The following RBM6 variants were observed in gnomAD, a reference collection of about 807,000 sequenced individuals.
RBM6 encodes the protein RNA-binding protein 6.
RBM6 carries 23 observed loss-of-function variants against 140.4 expected under a neutral mutation model. The observed-to-expected ratio is 0.16, with a 90% CI of 0.12 to 0.23. The LOEUF (loss-of-function observed/expected upper bound fraction) is 0.23, where lower values mean the gene tolerates loss of function less well. Ranked by LOEUF, RBM6 falls within the 10% of genes least tolerant of loss-of-function variation. RBM6 has a pLI of 1.00. For missense variants in RBM6, 1,139 were observed against 1,386.7 expected (o/e 0.82, Z 2.84); for synonymous variants, 439 against 475.6 (o/e 0.92, Z 1.00).
chr3:49,947,081 CA>C (rs1186088231), intron 1 of RBM6, among the ~76,000 whole-genome samples: 4,401 of 105,984 alleles, frequency 0.042, 202 homozygotes, highest in African/African-American at 0.12. Context: ...ACTAAAAATA[CA>C]AAAAAAAAAA....
At chr3:50,015,022 C>T (rs1318715378) in intron 6 of RBM6, among the ~76,000 whole-genome samples, 2 of 135,300 alleles carry the variant, frequency 1.5e-5, no homozygotes, top group Non-Finnish European at 3.0e-5. Context: ...GTACTCCAGC[C>T]TGGCCAACAG....
chr3:49,978,413 A>G (rs140610481), intron 5 of RBM6, among the ~76,000 whole-genome samples: 1 of 152,326 alleles, frequency 6.6e-6, no homozygotes, highest in African/African-American at 2.4e-5. Context: ...TGTGGAGTAC[A>G]GTCTGTCCTG....
At chr3:50,044,549 C>T (rs2089123796) in intron 6 of RBM6, among the ~76,000 whole-genome samples, 1 of 151,188 alleles carries the variant, frequency 6.6e-6, no homozygotes, top group African/African-American at 2.4e-5. Context: ...CATCACTGCA[C>T]TCCAGCCTGG....
intron 6 of RBM6, among the ~76,000 whole-genome samples, chr3:50,018,484 A>G (rs2087289101): frequency 6.6e-6 from 1 of 151,966 alleles, no homozygotes; most frequent in Non-Finnish European, 1.5e-5. Context: ...TAAAGCTGCA[A>G]TAAATATCCA....
At chr3:50,043,519 T>C (rs2089045188) in intron 6 of RBM6, among the ~76,000 whole-genome samples, 1 of 151,260 alleles carries the variant, frequency 6.6e-6, no homozygotes, top group African/African-American at 2.4e-5. Context: ...ATCTCTCTTC[T>C]TTTTATATAC....
chr3:49,952,891 A>G (rs2083801304), intron 1 of RBM6, among the ~76,000 whole-genome samples: 1 of 152,070 alleles, frequency 6.6e-6, no homozygotes, highest in Non-Finnish European at 1.5e-5. Context: ...ATTTTCTCCC[A>G]TTCTGTGGGA....
rs2090125553 is a variant in RBM6 at position 50,066,456 on chromosome 3, A to G, written c.2897A>G (p.Asn966Ser). The G allele has an allele frequency of 2.5e-6, 4 of 1,613,812 alleles. No individual in the cohort carries two copies. The highest frequency in any genetic ancestry group is 2.2e-5 in the East Asian group (1 of 44,892). Residue 966 changes from asparagine to serine, a missense_variant, in exon 17 of 21, where the codon AAT becomes AGT. Asn to Ser is a conservative substitution (Grantham distance 46). Around this residue, in one of 9 missense-constraint regions of RBM6, gnomAD observed 40 missense variants for 80.1 expected, o/e 0.50. Transcript: ENST00000266022. ...CTGCTTTGCAGAAGGCAGTTTCCCA[A>G]TAAAGAAGTTCTGATCAAACACCAG... ...ACLLCRRQFP[N>S]KEVLIKHQQL...
At chr3:49,962,765 G>C in intron 2 of RBM6, 80 bp downstream of exon 2, 1 of 1,320,018 alleles carries the variant, frequency 7.6e-7, no homozygotes. Flanking sequence ...TATAAATGAA[G>C]ATATTTTCTC....
At chr3:50,068,886 T>G (rs755506085) in intron 18 of RBM6, 122 bp downstream of exon 18, 278 of 822,380 alleles carry the variant, frequency 3.4e-4, no homozygotes, top group Non-Finnish European at 4.7e-4. Context: ...CCTCAAAAGA[T>G]AGTGCATACA....
intron 6 of RBM6, among the ~76,000 whole-genome samples, chr3:50,009,621 A>T (rs2086749399): frequency 6.6e-6 from 1 of 152,026 alleles, no homozygotes; most frequent in Non-Finnish European, 1.5e-5. Context: ...CAGCGGCATG[A>T]TCATGGCTCA....
intron 1 of RBM6, among the ~76,000 whole-genome samples, chr3:49,945,711 T>TC (rs1463495998): frequency 6.6e-6 from 1 of 150,978 alleles, no homozygotes; most frequent in African/African-American, 2.4e-5. Context: ...TGAAACCCCG[T>TC]CTCTACTAAA....
Position 49,975,359 on chromosome 3 carries a change from G to T in RBM6, c.1450G>T (p.Val484Leu). ...TTTTCGGACTCCTGATGGCATGCCT[G>T]TAAAGAACTTGCAGTTGAAGGAGTA... ...NAFRTPDGMP[V>L]KNLQLKEYNT... The change falls in exon 5 of 21, where the codon GTA becomes TTA. Residue 484 changes from valine (V) to leucine (L), a missense_variant. This residue lies in a region of RBM6 where 566 missense variants were observed against 612.7 expected (regional missense o/e 0.92). Transcript: ENST00000266022. The T allele has an allele frequency of 6.2e-7, 1 of 1,613,904 alleles. No individual in the cohort carries two copies.
At chr3:49,942,800 G>A (rs970871147) in intron 1 of RBM6, among the ~76,000 whole-genome samples, 1 of 152,158 alleles carries the variant, frequency 6.6e-6, no homozygotes, top group African/African-American at 2.4e-5. Context: ...GGCAGAGGTT[G>A]CAGTGAGCTG....
intron 3 of RBM6, among the ~76,000 whole-genome samples, chr3:49,969,144 C>T (rs2084657327): frequency 6.6e-6 from 1 of 151,746 alleles, no homozygotes; most frequent in Non-Finnish European, 1.5e-5. Context: ...CCTGCCTCAA[C>T]CTCCTGAGTA....
At chr3:50,060,027 A>T (rs1244634266) in intron 11 of RBM6, among the ~76,000 whole-genome samples, 1 of 152,106 alleles carries the variant, frequency 6.6e-6, no homozygotes, top group African/African-American at 2.4e-5. Flanking sequence ...CTCTATTCCA[A>T]GCTACTAAAG....
At chr3:49,961,224 C>A (rs1297269853) in intron 1 of RBM6, among the ~76,000 whole-genome samples, 4 of 152,046 alleles carry the variant, frequency 2.6e-5, no homozygotes, top group Non-Finnish European at 5.9e-5. Context: ...ATTACAGGTG[C>A]CTGCCACCAC....
At chr3:49,944,722 T>C (rs575083687) in intron 1 of RBM6, among the ~76,000 whole-genome samples, 1 of 152,124 alleles carries the variant, frequency 6.6e-6, no homozygotes, top group South Asian at 2.1e-4. Context: ...GTGATCAACC[T>C]GCCTCGGCCT....
At chr3:50,023,935 A>G (rs2087652987) in intron 6 of RBM6, among the ~76,000 whole-genome samples, 1 of 152,174 alleles carries the variant, frequency 6.6e-6, no homozygotes, top group Non-Finnish European at 1.5e-5. Context: ...GGTGTGAGCC[A>G]CTGCTCCCAG....
intron 6 of RBM6, among the ~76,000 whole-genome samples, chr3:50,021,739 G>GTTTTTTT (rs1559596492): frequency 2.0e-5 from 1 of 50,588 alleles, no homozygotes; most frequent in South Asian, 1.2e-3. Context: ...GAATTTAAGT[G>GTTTTTTT]CTTTTTTTTT....
Sources: allele counts gnomAD v4.1 joint callset (sites outside exome capture counted in the v4.1 genomes callset), GRCh38; gene constraint gnomAD v4.1.1; regional missense constraint gnomAD v4.1.1; transcripts MANE v1.5; gene names NCBI Gene and HGNC (gene_info 2026-07-23, HGNC 2026-07-21).